The following B3GALNT2 variants were observed in gnomAD, a reference collection of about 807,000 sequenced individuals.
B3GALNT2 encodes the protein beta-1,3-N-acetylgalactosaminyltransferase 2, also known as UDP-GalNAc:beta-1,3-N-acetylgalactosaminyltransferase 2.
In B3GALNT2, 53 loss-of-function variants were observed where a neutral mutation model predicts 61.1. The ratio of observed to expected loss-of-function variants is 0.87; its 90% confidence interval spans 0.70 to 1.09. B3GALNT2 has a LOEUF of 1.09. B3GALNT2 is among the 50% of genes least tolerant of loss of function. B3GALNT2 has a pLI of 0.00. For synonymous variants in B3GALNT2, 223 were observed against 237.4 expected, an observed-to-expected ratio of 0.94 and a Z score of 0.56; for missense variants, 544 against 623.0, an observed-to-expected ratio of 0.87 and a Z score of 1.35.
At position 235,447,357 on chromosome 1, in the gene B3GALNT2, A is replaced by T. The variant is rs1682428261; in HGVS notation, c.*2849T>A. Among the ~76,000 whole-genome samples the T allele has an allele frequency of 6.6e-6, 1 of 152,228 alleles. No individual in the cohort carries two copies. The highest frequency in any genetic ancestry group is 1.9e-4 in the East Asian group (1 of 5,196). Reference sequence around the variant, plus strand: ...CCACACTATTGCTGTATCTCCAGCTAAAGCTTCAAGGAAACTCTATTTCTT... The same window carrying T: ...CCACACTATTGCTGTATCTCCAGCTTAAGCTTCAAGGAAACTCTATTTCTT... On this transcript the variant is annotated 3_prime_UTR_variant, in exon 12 of 12. Transcript: ENST00000366600.
chr1:235,494,964 A>G (rs1685249085), intron 1 of B3GALNT2, 136 bp from the exon 2 acceptor site: 4 of 931,772 alleles, frequency 4.3e-6, no homozygotes, highest in Non-Finnish European at 6.1e-6. Flanking sequence ...GAATTTTTAA[A>G]TCACATATGA....
At chr1:235,476,100 T>C (rs955524037) in intron 5 of B3GALNT2, among the ~76,000 whole-genome samples, 7 of 152,120 alleles carry the variant, frequency 4.6e-5, no homozygotes, top group African/African-American at 7.2e-5. Flanking sequence ...CTATAGTCAT[T>C]AAAACTCTTA....
downstream of B3GALNT2, among the ~76,000 whole-genome samples, chr1:235,444,703 C>T (rs750499529): frequency 1.2e-4 from 19 of 152,178 alleles, no homozygotes; most frequent in African/African-American, 3.9e-4. Flanking sequence ...CCATGCCTGG[C>T]AGGCCAGGAC....
chr1:235,484,710 A>G (rs1684719803), intron 3 of B3GALNT2, 195 bp from the exon 4 acceptor site: 3 of 1,004,134 alleles, frequency 3.0e-6, no homozygotes, highest in Non-Finnish European at 4.1e-6. Flanking sequence ...TTAAGAATAA[A>G]GTTTTCAGCC....
chr1:235,480,025 T>C (rs766497138), intron 5 of B3GALNT2, 29 bp downstream of exon 5: 30 of 1,612,654 alleles, frequency 1.9e-5, no homozygotes, highest in Non-Finnish European at 2.5e-5. Context: ...ACTGCATTGG[T>C]ACTACAGTCT....
In B3GALNT2 at chr1:235,448,026, T is replaced by C. The variant is rs545921240; in HGVS notation, c.*2180A>G. On this transcript the variant is annotated 3_prime_UTR_variant, in exon 12 of 12. Coordinates refer to ENST00000366600, the MANE Select transcript of B3GALNT2 (RefSeq NM_152490.5). ...GAGTTCAAGACCAGCCTGGCCAACA[T>C]GGTGAAACCCCGTCTCTACTAAAAA... Among the ~76,000 whole-genome samples, 22 of 151,984 alleles carry C rather than the reference T, an allele frequency of 1.4e-4. No individual in the cohort carries two copies. Among genetic ancestry groups the C allele is most frequent in the Middle Eastern group, 3.2e-3 (1 of 316 alleles).
In B3GALNT2 at chr1:235,465,573, C is replaced by T. The variant is rs184474378; in HGVS notation, c.841+63G>A. 2.6e-6 allele frequency: 4 copies of T among 1,563,100 alleles called. No homozygotes were observed. In the South Asian group the frequency reaches 3.6e-5, roughly 14 times the overall value. ...CAAAAAAGAAAAAATCCTTTTCTCTCAAGTATAAAGATTAAGTATAAGACA... is the reference window on the plus strand; with the variant it reads ...CAAAAAAGAAAAAATCCTTTTCTCTTAAGTATAAAGATTAAGTATAAGACA... On this transcript the variant is annotated intron_variant, in intron 7 of 11. Coordinates refer to ENST00000366600, the MANE Select transcript of B3GALNT2 (RefSeq NM_152490.5).
chr1:235,455,185 A>C (rs577336148), intron 9 of B3GALNT2, among the ~76,000 whole-genome samples: 14 of 152,114 alleles, frequency 9.2e-5, no homozygotes, highest in Admixed American at 7.8e-4. Context: ...GCAGTTGCAA[A>C]ATCATAGCTC....
intron 7 of B3GALNT2, among the ~76,000 whole-genome samples, chr1:235,462,060 A>G (rs769924768): frequency 5.3e-5 from 8 of 152,222 alleles, no homozygotes; most frequent in Admixed American, 1.3e-4. Flanking sequence ...AACATTCGGC[A>G]GGCTAAGTGT....
chr1:235,461,506 T>TG (rs1491513892), intron 7 of B3GALNT2, among the ~76,000 whole-genome samples: 6 of 121,550 alleles, frequency 4.9e-5, no homozygotes, highest in South Asian at 2.7e-4. Flanking sequence ...GATGACCTCC[T>TG]GTTTTTTTTT....
rs1295100212 is a variant in B3GALNT2 at position 235,447,385 on chromosome 1, A to G, written c.*2821T>C. ...GCTTCAAGGAAACTCTATTTCTTAT[A>G]ATCAAAATATCCACTATTTACCACA... On this transcript the variant is annotated 3_prime_UTR_variant, in exon 12 of 12. Transcript: ENST00000366600. 6.6e-6 allele frequency among the ~76,000 whole-genome samples: 1 copy of G among 152,186 alleles called. No individual in the cohort carries two copies. Among genetic ancestry groups the G allele is most frequent in the African/African-American group, 2.4e-5 (1 of 41,434 alleles).
chr1:235,474,479 T>C (rs572315703), intron 5 of B3GALNT2, among the ~76,000 whole-genome samples: 6 of 152,124 alleles, frequency 3.9e-5, no homozygotes, highest in Non-Finnish European at 8.8e-5. Context: ...CAACTTCTTG[T>C]GGATTGGAGA....
chr1:235,490,594 C>T lies in B3GALNT2; in HGVS notation c.261-1326G>A, dbSNP rs564400732. On this transcript the variant is annotated intron_variant, in intron 2 of 11. Coordinates refer to ENST00000366600, the MANE Select transcript of B3GALNT2 (RefSeq NM_152490.5). ...CTGTAAATTCACTGGACATCTTCAC[C>T]CAGATAACCCACAGACAGCTGTGTG... is the stretch of plus-strand genomic sequence containing the variant. Among the ~76,000 whole-genome samples the T allele has an allele frequency of 2.8e-4, 42 of 152,266 alleles. No homozygotes were observed. The South Asian group carries it at 8.3e-3, about 30-fold the overall frequency.
At chr1:235,441,957 A>C in the B3GALNT2 span, 1 of 1,352,368 alleles carries the variant, frequency 7.4e-7, no homozygotes, top group Non-Finnish European at 1.0e-6. Flanking sequence ...TGTTTCTCTT[A>C]AGTGTGTACC....
At chr1:235,447,170 T>G (rs1323500172), downstream of B3GALNT2, among the ~76,000 whole-genome samples, 1 of 152,212 alleles carries the variant, frequency 6.6e-6, no homozygotes, top group Non-Finnish European at 1.5e-5. Flanking sequence ...TAATTAAAAT[T>G]ATAAATTCTA....
chr1:235,480,905 CAAAAAAAAAAAAAAAAAAAAAAAAAAAA>C (rs55666590), intron 4 of B3GALNT2, among the ~76,000 whole-genome samples: 3 of 31,138 alleles, frequency 9.6e-5, no homozygotes, highest in African/African-American at 1.4e-4. Context: ...GACTCTGTCT[CAAAAAAAAAAAAAAAAAAAAAAAAAAAA>C]AAAAAAAAAA....
intron 4 of B3GALNT2, among the ~76,000 whole-genome samples, chr1:235,482,671 T>C (rs1250441349): frequency 6.6e-6 from 1 of 152,040 alleles, no homozygotes; most frequent in Non-Finnish European, 1.5e-5. Flanking sequence ...ATGAATTATT[T>C]ACAATATCTA....
chr1:235,497,590 T>C (rs761813990), intron 1 of B3GALNT2, among the ~76,000 whole-genome samples: 13 of 152,248 alleles, frequency 8.5e-5, no homozygotes, highest in Non-Finnish European at 1.5e-4. Flanking sequence ...AATAATTTAC[T>C]ACCTTATTTT....
At chr1:235,498,711 G>A (rs1025766621) in intron 1 of B3GALNT2, among the ~76,000 whole-genome samples, 20 of 151,822 alleles carry the variant, frequency 1.3e-4, no homozygotes, top group Admixed American at 5.9e-4. Flanking sequence ...AGGTGTGGTG[G>A]TGCATGCCTG....
Sources: gnomAD v4.1 joint callset for allele counts (sites outside exome capture counted in the v4.1 genomes callset) on GRCh38, gnomAD v4.1.1 for gene constraint, MANE v1.5 for transcripts, NCBI Gene and HGNC (gene_info 2026-07-23, HGNC 2026-07-21) for gene names.